The following SEC61A2 variants were observed in gnomAD, a reference collection of about 807,000 sequenced individuals.
SEC61A2 encodes the protein SEC61 translocon subunit alpha 2.
A neutral mutation model predicts 59.9 loss-of-function variants in SEC61A2; 28 were observed. The observed-to-expected ratio is 0.47, with a 90% CI of 0.35 to 0.64. The LOEUF is 0.64. Among genes scored for constraint, SEC61A2 ranks in the 30% least tolerant of loss-of-function variants. SEC61A2 has a pLI of 0.01. For synonymous variants in SEC61A2, 202 were observed against 214.4 expected (o/e 0.94, Z 0.50); for missense variants, 340 against 585.9 (o/e 0.58, Z 4.33).
Position 12,142,364 on chromosome 10 carries a change from A to G in SEC61A2, c.142-753A>G. ...AATGTCTTGGGTGGGGGCTAAAATC[A>G]CCCCTAGTTTAGAACTGCTATTTTA... is the stretch of plus-strand genomic sequence containing the variant. On this transcript the variant is annotated intron_variant, in intron 3 of 11. Coordinates refer to ENST00000298428, the MANE Select transcript of SEC61A2 (RefSeq NM_018144.4). The surrounding 1 kb of genome is among the most constrained non-coding windows in gnomAD (Gnocchi z 5.4). 4.0e-6 allele frequency: 1 copy of G among 248,652 alleles called. No individual in the cohort carries two copies. The highest frequency in any genetic ancestry group is 6.4e-6 in the Non-Finnish European group (1 of 156,438). 15.4% of individuals were successfully genotyped at this position (248,652 alleles called of 1,614,324 possible). A position where few individuals can be genotyped will look rare whatever the true frequency, so the allele number is the denominator to read the frequency against.
downstream of SEC61A2, chr10:12,166,295 AG>A (rs1475204523): frequency 6.5e-6 from 1 of 154,294 alleles, no homozygotes; most frequent in Admixed American, 6.4e-5. Context: ...TTCAGACCTA[AG>A]GAAGAGTTAG....
rs1225139132 is a variant in SEC61A2 at position 12,152,679 on chromosome 10, G to A, written c.462+2718G>A. On this transcript the variant is annotated intron_variant, in intron 6 of 11. Transcript: ENST00000298428. This position sits in a 1 kb window ranked among gnomAD's most constrained non-coding sequence, Gnocchi z 5.5. ...GGAGGCTGAGGCGGGCGGATCACGA[G>A]GTCAGGAGATCGAGACCATCCTGGC... Among the ~76,000 whole-genome samples the A allele has an allele frequency of 6.6e-6, 1 of 151,920 alleles. No individual in the cohort carries two copies. Among genetic ancestry groups the A allele is most frequent in the Non-Finnish European group, 1.5e-5 (1 of 67,984 alleles).
intron 3 of SEC61A2, among the ~76,000 whole-genome samples, chr10:12,138,316 A>G (rs1174301050): frequency 6.6e-6 from 1 of 152,160 alleles, no homozygotes; most frequent in Non-Finnish European, 1.5e-5. Flanking sequence ...AGTCATCCAT[A>G]TTTCTACCAT....
rs1000078891 is a variant in SEC61A2 at position 12,155,218 on chromosome 10, G to A, written c.463-560G>A. 8.7e-6 allele frequency: 7 copies of A among 800,968 alleles called. No individual in the cohort carries two copies. Among genetic ancestry groups the A allele is most frequent in the South Asian group, 6.7e-5 (2 of 29,874 alleles). 49.6% of individuals were successfully genotyped at this position (800,968 alleles called of 1,614,324 possible). The stretch of plus-strand genomic sequence containing the variant: ...CATTTTTACATTGCTGCTCGAGTAC[G>A]TATTTGAGTACATATTTGTGTTCTA... On this transcript the variant is annotated intron_variant, in intron 6 of 11. Coordinates refer to ENST00000298428, the MANE Select transcript of SEC61A2 (RefSeq NM_018144.4). This position sits in a 1 kb window ranked among gnomAD's most constrained non-coding sequence, Gnocchi z 4.3.
intron 2 of SEC61A2, 148 bp downstream of exon 2, chr10:12,133,456 T>A (rs1833811124): frequency 2.0e-6 from 1 of 489,970 alleles, no homozygotes; most frequent in South Asian, 4.1e-5. Flanking sequence ...ACAAAGTGAA[T>A]AAAAATAATA....
At chr10:12,141,154 A>G (rs1377258036) in intron 3 of SEC61A2, among the ~76,000 whole-genome samples, 1 of 151,992 alleles carries the variant, frequency 6.6e-6, no homozygotes, top group Non-Finnish European at 1.5e-5. Flanking sequence ...CCCACGTTGG[A>G]CTCCCAAGAT....
intron 2 of SEC61A2, 51 bp from the exon 3 acceptor site, chr10:12,136,054 A>G (rs780977936): frequency 5.6e-6 from 7 of 1,258,320 alleles, no homozygotes; most frequent in Middle Eastern, 1.8e-4. Flanking sequence ...CCCCCCAAAA[A>G]TTTGCTGTTT....
In SEC61A2 at chr10:12,160,036, T is replaced by G. The variant is rs1445665060; in HGVS notation, c.976-894T>G. Among the ~76,000 whole-genome samples, 1 of 152,140 alleles carries G rather than the reference T, an allele frequency of 6.6e-6. No individual in the cohort carries two copies. Among genetic ancestry groups the G allele is most frequent in the African/African-American group, 2.4e-5 (1 of 41,406 alleles). On this transcript the variant is annotated intron_variant, in intron 9 of 11. Transcript: ENST00000298428. The surrounding 1 kb of genome is among the most constrained non-coding windows in gnomAD (Gnocchi z 4.1). The stretch of plus-strand genomic sequence containing the variant: ...GATCTCTGTTGTATTCTGGCTAATA[T>G]TATATCGAGGACAGGAAAGTCAAGA...
At chr10:12,134,204 T>C (rs1169537994) in intron 2 of SEC61A2, among the ~76,000 whole-genome samples, 1 of 152,194 alleles carries the variant, frequency 6.6e-6, no homozygotes, top group Non-Finnish European at 1.5e-5. Context: ...AGACGGGGTT[T>C]CACCGTGTTA....
downstream of SEC61A2, among the ~76,000 whole-genome samples, chr10:12,168,299 C>T (rs1275900009): frequency 6.6e-6 from 1 of 152,208 alleles, no homozygotes; most frequent in Non-Finnish European, 1.5e-5. This position sits in a 1 kb window ranked among gnomAD's most constrained non-coding sequence, Gnocchi z 4.8. Flanking sequence ...GCTGGGATTA[C>T]AGGCGTGAGC....
intron 2 of SEC61A2, among the ~76,000 whole-genome samples, chr10:12,133,780 A>T (rs1296270925): frequency 6.6e-6 from 1 of 152,232 alleles, no homozygotes; most frequent in Non-Finnish European, 1.5e-5. Flanking sequence ...GGAAAGAAAA[A>T]TGACAGGAAT....
At chr10:12,147,341 C>A (rs1271594203) in intron 4 of SEC61A2, among the ~76,000 whole-genome samples, 1 of 152,192 alleles carries the variant, frequency 6.6e-6, no homozygotes, top group Non-Finnish European at 1.5e-5. Context: ...AAGCTACTCA[C>A]CCATATTTCC....
downstream of SEC61A2, chr10:12,169,932 A>C: frequency 1.7e-6 from 1 of 572,752 alleles, no homozygotes; most frequent in Non-Finnish European, 3.1e-6. This position sits in a 1 kb window ranked among gnomAD's most constrained non-coding sequence, Gnocchi z 4.8. Context: ...TAAAACACTT[A>C]TACCCAATAA....
intron 3 of SEC61A2, among the ~76,000 whole-genome samples, chr10:12,136,805 T>C (rs1833899700): frequency 6.6e-6 from 1 of 151,882 alleles, no homozygotes; most frequent in Non-Finnish European, 1.5e-5. Flanking sequence ...AATTTTTGTA[T>C]TTTTAGTAGA....
chr10:12,147,029 C>T (rs903302011), intron 4 of SEC61A2, among the ~76,000 whole-genome samples: 5 of 152,032 alleles, frequency 3.3e-5, no homozygotes, highest in Non-Finnish European at 5.9e-5. Flanking sequence ...TAGCTGGGAC[C>T]ACAACCGGGC....
In SEC61A2 at chr10:12,159,054, T is replaced by G. The variant is rs535253034; in HGVS notation, c.975+949T>G. ...GTGCAGTGGTACGATCTCGGCTCAC[T>G]GCAAGCTCCGCCTCCCGGGTTCATG... is the stretch of plus-strand genomic sequence containing the variant. On this transcript the variant is annotated intron_variant, in intron 9 of 11. Coordinates refer to ENST00000298428, the MANE Select transcript of SEC61A2 (RefSeq NM_018144.4). Among the ~76,000 whole-genome samples the G allele has an allele frequency of 4.4e-4, 66 of 151,312 alleles. No homozygotes were observed. The East Asian group carries it at 0.012, about 29-fold the overall frequency.
chr10:12,151,595 C>G (rs910824203), intron 6 of SEC61A2, among the ~76,000 whole-genome samples: 8 of 151,040 alleles, frequency 5.3e-5, no homozygotes, highest in Non-Finnish European at 8.8e-5. Flanking sequence ...CAGGCGTGAG[C>G]CACTGTGCCC....
In SEC61A2 at chr10:12,155,750, C is replaced by T; in HGVS notation, c.463-28C>T. On this transcript the variant is annotated intron_variant, in intron 6 of 11. Transcript: ENST00000298428. This position sits in a 1 kb window ranked among gnomAD's most constrained non-coding sequence, Gnocchi z 4.3. The stretch of plus-strand genomic sequence containing the variant: ...CCCTTTCTTGAGTTTGTTCTTGCTT[C>T]CGCTTACTTGCATTTCTTTCCCCAC... 6.2e-7 allele frequency: 1 copy of T among 1,613,556 alleles called. No homozygotes were observed. The highest frequency in any genetic ancestry group is 8.5e-7 in the Non-Finnish European group (1 of 1,179,524).
rs1378142182 is a variant in SEC61A2, at chr10:12,160,422, A to T, written c.976-508A>T. On this transcript the variant is annotated intron_variant, in intron 9 of 11. Transcript: ENST00000298428. The surrounding 1 kb of genome is among the most constrained non-coding windows in gnomAD (Gnocchi z 4.1). ...ATTTCTGTAAGATTTAAGTATATAG[A>T]TAAAAATCCAATTATTATATTTATT... 1.3e-5 allele frequency among the ~76,000 whole-genome samples: 2 copies of T among 152,232 alleles called. No homozygotes were observed. Among genetic ancestry groups the T allele is most frequent in the Non-Finnish European group, 2.9e-5 (2 of 68,038 alleles).
Sources: allele counts gnomAD v4.1 joint callset (sites outside exome capture counted in the v4.1 genomes callset), GRCh38; gene constraint gnomAD v4.1.1; non-coding constraint Gnocchi (gnomAD v3.1); transcripts MANE v1.5; gene names NCBI Gene and HGNC (gene_info 2026-07-23, HGNC 2026-07-21).